The following MICU2 variants were observed in gnomAD, a reference collection of about 807,000 sequenced individuals.
MICU2 encodes calcium uptake protein 2, mitochondrial.
MICU2 carries 64 observed loss-of-function variants against 60.4 expected under a neutral mutation model. The ratio of observed to expected loss-of-function variants is 1.06; its 90% CI spans 0.87 to 1.31. The LOEUF (loss-of-function observed/expected upper bound fraction) is 1.31. Ranked by LOEUF, MICU2 falls within the 50% of genes most tolerant of loss-of-function variation. MICU2 has a pLI of 0.00. For missense variants in MICU2, 569 were observed against 531.0 expected, an observed-to-expected ratio of 1.07 and a Z score of -0.70; for synonymous variants, 201 against 175.0, an observed-to-expected ratio of 1.15 and a Z score of -1.17.
At chr13:21,504,939 CCT>C (rs1886259221) in intron 8 of MICU2, among the ~76,000 whole-genome samples, 3 of 152,130 alleles carry the variant, frequency 2.0e-5, no homozygotes, top group African/African-American at 4.8e-5. Context: ...CCTCTAGACA[CCT>C]CTGAATTTAT....
chr13:21,504,734 G>T (rs1886253681), intron 8 of MICU2, among the ~76,000 whole-genome samples: 1 of 152,218 alleles, frequency 6.6e-6, no homozygotes, highest in South Asian at 2.1e-4. Context: ...TGTTTAGGCA[G>T]TGTTGTACTG....
intron 6 of MICU2, among the ~76,000 whole-genome samples, chr13:21,518,188 A>G (rs1231127528): frequency 6.6e-6 from 1 of 152,232 alleles, no homozygotes; most frequent in African/African-American, 2.4e-5. Flanking sequence ...GTGTGAAAAA[A>G]TGTATTTGAA....
Position 21,492,976 on chromosome 13 carries a change from A to G in MICU2, c.*273T>C, listed in dbSNP as rs1673106448. 4.3e-6 allele frequency: 1 copy of G among 234,432 alleles called. No individual in the cohort carries two copies. The highest frequency in any genetic ancestry group is 5.8e-5 in the Admixed American group (1 of 17,316). The allele number at this position is 234,432 out of a possible 1,614,324, so 14.5% of individuals were successfully genotyped here. A position where few individuals can be genotyped will look rare whatever the true frequency, so the allele number is the denominator to read the frequency against. On this transcript the variant is annotated 3_prime_UTR_variant, in exon 12 of 12. Coordinates refer to ENST00000382374, the MANE Select transcript of MICU2 (RefSeq NM_152726.3). ...AGCATATCATATTAGAGTGTCTAAG[A>G]AATCAGTGAATCACTAAGTTTTCCA...
chr13:21,536,491 C>T (rs114597595), intron 4 of MICU2, among the ~76,000 whole-genome samples: 1 of 152,180 alleles, frequency 6.6e-6, no homozygotes, highest in African/African-American at 2.4e-5. Flanking sequence ...CCACGCCTGG[C>T]TAATTTTTCT....
Position 21,531,309 on chromosome 13 carries a change from A to C in MICU2, c.466+7993T>G, listed in dbSNP as rs893502925. The stretch of plus-strand genomic sequence containing the variant: ...ACACAGCACAGAAAATGACTCACCA[A>C]CAAATGTACAGCAATAACACCAACC... On this transcript the variant is annotated intron_variant, in intron 4 of 11. Transcript: ENST00000382374. The C allele has an allele frequency of 4.5e-6, 7 of 1,571,750 alleles. No homozygotes were observed. In the African/African-American group the frequency reaches 9.5e-5, roughly 21 times the overall value.
At chr13:21,511,862 C>T (rs1365212267) in intron 7 of MICU2, among the ~76,000 whole-genome samples, 25 of 150,824 alleles carry the variant, frequency 1.7e-4, no homozygotes, top group Admixed American at 1.2e-3. Flanking sequence ...TTCAGGTTGT[C>T]GTATCTTTTG....
chr13:21,495,345 T>C (rs200784947), intron 10 of MICU2, 27 bp from the exon 11 acceptor site: 8 of 1,550,850 alleles, frequency 5.2e-6, no homozygotes, highest in African/African-American at 1.4e-5. Context: ...AAACAACTTA[T>C]CAACTATGTG....
At chr13:21,567,285 C>G (rs934882672) in intron 1 of MICU2, among the ~76,000 whole-genome samples, 6 of 152,136 alleles carry the variant, frequency 3.9e-5, no homozygotes, top group African/African-American at 1.4e-4. Context: ...GAAGGTCTTT[C>G]TGAAGAGGTA....
At chr13:21,518,450 T>C (rs1886635605) in intron 6 of MICU2, among the ~76,000 whole-genome samples, 1 of 152,362 alleles carries the variant, frequency 6.6e-6, no homozygotes, top group African/African-American at 2.4e-5. Flanking sequence ...TGACACCCAC[T>C]ATTATTATCA....
intron 2 of MICU2, among the ~76,000 whole-genome samples, chr13:21,554,482 A>C (rs1344100143): frequency 6.6e-6 from 1 of 152,358 alleles, no homozygotes; most frequent in East Asian, 1.9e-4. Flanking sequence ...CTTTGAAACC[A>C]ACGAGAACAA....
intron 6 of MICU2, among the ~76,000 whole-genome samples, chr13:21,520,219 G>A (rs969009146): frequency 6.6e-6 from 1 of 152,028 alleles, no homozygotes; most frequent in African/African-American, 2.4e-5. Context: ...TGAACATTTC[G>A]GTTGTTTCTA....
chr13:21,535,051 G>T (rs1215459871), intron 4 of MICU2, among the ~76,000 whole-genome samples: 1 of 152,144 alleles, frequency 6.6e-6, no homozygotes, highest in Non-Finnish European at 1.5e-5. Context: ...AGCACGGTAT[G>T]CTTCTAAGGT....
rs567442822 is a variant in MICU2, at chr13:21,494,868, T to A, written c.1200+293A>T. Among the ~76,000 whole-genome samples the A allele has an allele frequency of 4.1e-4, 62 of 152,274 alleles. No homozygotes were observed. In the South Asian group the frequency reaches 0.012, roughly 29 times the overall value. On this transcript the variant is annotated intron_variant, in intron 11 of 11. Transcript: ENST00000382374. The stretch of plus-strand genomic sequence containing the variant: ...GAATAGTAATTTCTTTTTTAAAAAA[T>A]TATTTTTTTTTGGAGACAAGGGCTT...
rs186049530 is a variant in MICU2 at position 21,573,306 on chromosome 13, C to T, written c.211-6362G>A. ...TTTTTTTTTTTGAGACGGAGTCTCA[C>T]TCTGTCATCCAGGCTGGAGTGCAGT... is the stretch of plus-strand genomic sequence containing the variant. On this transcript the variant is annotated intron_variant, in intron 1 of 11. Transcript: ENST00000382374. Among the ~76,000 whole-genome samples the T allele has an allele frequency of 6.2e-3, 941 of 151,800 alleles. 3 individuals carry two copies. Among genetic ancestry groups the T allele is most frequent in the Middle Eastern group, 0.017 (5 of 294 alleles).
rs145433672 is a variant in MICU2, at chr13:21,555,782, A to G, written c.358+11015T>C. ...TCTCAGCTGATAACCTGGCTTCCCAATTCACTGAGAAAAAAAGAAAGAAAG... is the reference window on the plus strand; with the variant it reads ...TCTCAGCTGATAACCTGGCTTCCCAGTTCACTGAGAAAAAAAGAAAGAAAG... On this transcript the variant is annotated intron_variant, in intron 2 of 11. Coordinates refer to ENST00000382374, the MANE Select transcript of MICU2 (RefSeq NM_152726.3). Among the ~76,000 whole-genome samples, 12 of 152,182 alleles carry G rather than the reference A, an allele frequency of 7.9e-5. No homozygotes were observed. The East Asian group carries it at 2.1e-3, about 27-fold the overall frequency.
chr13:21,506,307 C>T lies in MICU2; in HGVS notation c.762-3210G>A, dbSNP rs568340102. 2.7e-3 allele frequency among the ~76,000 whole-genome samples: 417 copies of T among 152,292 alleles called. 4 individuals carry two copies. The highest frequency in any genetic ancestry group is 9.3e-3 in the African/African-American group (388 of 41,554). On this transcript the variant is annotated intron_variant, in intron 8 of 11. Transcript: ENST00000382374. ...CTGGGATTACAGGTGTGAGCCGCCG[C>T]GCCCAGCTCCAGACTCCGTTGTTAA...
intron 1 of MICU2, among the ~76,000 whole-genome samples, chr13:21,590,053 C>A (rs1888546900): frequency 6.6e-6 from 1 of 152,148 alleles, no homozygotes; most frequent in African/African-American, 2.4e-5. Flanking sequence ...ATAACACTAG[C>A]AAGACAGGCC....
At chr13:21,523,025 C>T (rs1350245833) in intron 4 of MICU2, among the ~76,000 whole-genome samples, 1 of 152,214 alleles carries the variant, frequency 6.6e-6, no homozygotes, top group Non-Finnish European at 1.5e-5. Flanking sequence ...GCATTATCCA[C>T]TCTGTTGAAC....
chr13:21,515,490 C>T (rs759298635), intron 6 of MICU2: 277 of 394,032 alleles, frequency 7.0e-4, no homozygotes, highest in South Asian at 1.6e-3. Flanking sequence ...CTAATTAGGA[C>T]ACTGTAAATA....
Sources: gnomAD v4.1 joint callset for allele counts (sites outside exome capture counted in the v4.1 genomes callset) on GRCh38, gnomAD v4.1.1 for gene constraint, MANE v1.5 for transcripts, NCBI Gene and HGNC (gene_info 2026-07-23, HGNC 2026-07-21) for gene names.